Variants in UGT1A6 observed in about 807,000 individuals in gnomAD.
UGT1A6 encodes the protein UDP glucuronosyltransferase family 1 member A6.
A neutral mutation model predicts 44.4 loss-of-function variants in UGT1A6; 32 were observed. The observed-to-expected ratio is 0.72, with a 90% CI of 0.54 to 0.97. The LOEUF is 0.97. UGT1A6 is among the 50% of genes least tolerant of loss of function. The pLI is 0.00. For synonymous variants in UGT1A6, 238 were observed against 248.5 expected (o/e 0.96, Z 0.40); for missense variants, 685 against 661.9 (o/e 1.03, Z -0.38).
At chr2:233,768,122 G>A in intron 3 of UGT1A6, 98 bp from the exon 4 acceptor site, 1 of 1,602,552 alleles carries the variant, frequency 6.2e-7, no homozygotes, top group Non-Finnish European at 8.5e-7. Flanking sequence ...GGGCATGTGA[G>A]TAACACTGAG....
intron 1 of UGT1A6, among the ~76,000 whole-genome samples, chr2:233,710,289 G>C (rs2076124208): frequency 6.6e-6 from 1 of 152,208 alleles, no homozygotes; most frequent in African/African-American, 2.4e-5. Flanking sequence ...TTAAAAGTGG[G>C]ATTGTTGGGT....
chr2:233,767,309 T>A, intron 2 of UGT1A6, 144 bp downstream of exon 2: 2 of 1,517,866 alleles, frequency 1.3e-6, no homozygotes, highest in Non-Finnish European at 8.7e-7. Context: ...CCAAAGGTTT[T>A]TTTTGTTGTT....
intron 1 of UGT1A6, among the ~76,000 whole-genome samples, chr2:233,731,894 C>G (rs1470586397): frequency 6.6e-6 from 1 of 152,238 alleles, no homozygotes; most frequent in Non-Finnish European, 1.5e-5. Context: ...AATTTACACT[C>G]CCACCAATGG....
chr2:233,758,377 G>A (rs1376342494), intron 1 of UGT1A6, among the ~76,000 whole-genome samples: 2 of 152,208 alleles, frequency 1.3e-5, no homozygotes, highest in Non-Finnish European at 2.9e-5. Flanking sequence ...CATTACAGTG[G>A]TGACTTATGT....
chr2:233,727,866 T>C (rs1246200452), intron 1 of UGT1A6, among the ~76,000 whole-genome samples: 1 of 152,128 alleles, frequency 6.6e-6, no homozygotes, highest in Non-Finnish European at 1.5e-5. Context: ...AAGGGAAGCC[T>C]CAGCCTCACC....
chr2:233,763,230 T>C (rs1698265609), intron 1 of UGT1A6, among the ~76,000 whole-genome samples: 1 of 152,252 alleles, frequency 6.6e-6, no homozygotes, highest in African/African-American at 2.4e-5. Context: ...AATATGTTTT[T>C]AAATTGTACC....
intron 1 of UGT1A6, chr2:233,755,833 G>C (rs1270609595): frequency 1.3e-5 from 2 of 152,294 alleles, no homozygotes; most frequent in Non-Finnish European, 2.9e-5. Flanking sequence ...CATATTCATT[G>C]GGCAATTTAA....
rs28898588 is a variant in UGT1A6, at chr2:233,707,117, T to G, written c.861+13252T>G. On this transcript the variant is annotated intron_variant, in intron 1 of 4. Transcript: ENST00000305139. ...CAGCTGAGGGACCCCCAAAATACTC[T>G]GCATTAGGCTTTCTATCCCGGAGGT... 8.8e-3 allele frequency among the ~76,000 whole-genome samples: 1,342 copies of G among 152,244 alleles called. 24 individuals are homozygous for G. The highest frequency in any genetic ancestry group is 0.031 in the African/African-American group (1,274 of 41,546).
At chr2:233,734,703 G>A (rs1251067187) in intron 1 of UGT1A6, among the ~76,000 whole-genome samples, 3 of 151,956 alleles carry the variant, frequency 2.0e-5, no homozygotes, top group Non-Finnish European at 4.4e-5. Flanking sequence ...CAGAGATTCT[G>A]GTATGTTGTG....
At chr2:233,699,340 A>T (rs2075499292) in intron 1 of UGT1A6, among the ~76,000 whole-genome samples, 1 of 152,158 alleles carries the variant, frequency 6.6e-6, no homozygotes, top group Admixed American at 6.5e-5. Flanking sequence ...CATCCACCCT[A>T]GGGCTAACCT....
chr2:233,751,343 TTTTGA>T lies in UGT1A6; in HGVS notation c.862-15687_862-15683del, dbSNP rs1694706279. Among the ~76,000 whole-genome samples the T allele has an allele frequency of 2.0e-5, 3 of 150,848 alleles. No homozygotes were observed. In the South Asian group the frequency reaches 6.2e-4, roughly 31 times the overall value. ...ACCCCCATTGTGTCTTGGAAGTTAC[TTTTGA>T]TTTTACAGGCTCATGGGGGAAGGGA... On this transcript the variant is annotated intron_variant, in intron 1 of 4. Coordinates refer to ENST00000305139, the MANE Select transcript of UGT1A6 (RefSeq NM_001072.4).
intron 1 of UGT1A6, chr2:233,729,873 C>G: frequency 2.5e-6 from 4 of 1,613,864 alleles, no homozygotes; most frequent in Non-Finnish European, 3.4e-6. Context: ...TGGATATTCT[C>G]AGTCATGCAT....
rs1288789107 is a variant in UGT1A6 at position 233,724,474 on chromosome 2, CTT to C, written c.861+30610_861+30611del. Among the ~76,000 whole-genome samples the C allele has an allele frequency of 8.4e-4, 66 of 78,806 alleles. 2 individuals carry two copies. The highest frequency in any genetic ancestry group is 3.0e-3 in the African/African-American group (63 of 21,154). 51.7% of individuals were successfully genotyped at this position (78,806 alleles called of 152,430 possible). A position where few individuals can be genotyped will look rare whatever the true frequency, so the allele number is the denominator to read the frequency against. On this transcript the variant is annotated intron_variant, in intron 1 of 4. Transcript: ENST00000305139. ...AGCTGCCGGGCGGAGGGGCTCCTCA[CTT>C]CTCAGACGGGGCGGCCGGGCAGAGA...
chr2:233,735,436 C>A (rs1234543811), intron 1 of UGT1A6, among the ~76,000 whole-genome samples: 1 of 152,154 alleles, frequency 6.6e-6, no homozygotes, highest in Admixed American at 6.5e-5. Context: ...CTGAATACAG[C>A]ATACCGATGG....
chr2:233,748,015 C>G (rs746722710), intron 1 of UGT1A6: 4 of 1,613,310 alleles, frequency 2.5e-6, no homozygotes. Flanking sequence ...TACCCCAGGC[C>G]GATCATGCCC....
At chr2:233,739,626 A>G (rs1691159649) in intron 1 of UGT1A6, among the ~76,000 whole-genome samples, 1 of 152,210 alleles carries the variant, frequency 6.6e-6, no homozygotes, top group Non-Finnish European at 1.5e-5. Flanking sequence ...CTCCCATTTG[A>G]AATGGGAACA....
chr2:233,719,723 G>A, intron 1 of UGT1A6: 1 of 1,613,746 alleles, frequency 6.2e-7, no homozygotes, highest in Non-Finnish European at 8.5e-7. Context: ...CAATGTTCCA[G>A]GCAAAACACT....
At chr2:233,747,712 T>C (rs566811001) in intron 1 of UGT1A6, 704 of 1,613,102 alleles carry the variant, frequency 4.4e-4, no homozygotes, top group Non-Finnish European at 5.2e-4. Flanking sequence ...TACCTATCAA[T>C]TCCTGCTGTG....
At chr2:233,753,723 TATGCCCC>T (rs1654919100) in intron 1 of UGT1A6, 1 of 152,226 alleles carries the variant, frequency 6.6e-6, no homozygotes, top group Non-Finnish European at 1.5e-5. Flanking sequence ...CCTAATTTGA[TATGCCCC>T]AAGCACAGCA....
Sources: allele counts gnomAD v4.1 joint callset (sites outside exome capture counted in the v4.1 genomes callset), GRCh38; gene constraint gnomAD v4.1.1; transcripts MANE v1.5; gene names NCBI Gene and HGNC (gene_info 2026-07-23, HGNC 2026-07-21).